RIN3: variants seen among roughly 807,000 people sequenced by gnomAD.
RIN3 encodes RAB5 interacting protein 3.
RIN3 carries 54 observed loss-of-function variants against 76.3 expected under a neutral mutation model. The ratio of observed to expected loss-of-function variants is 0.71; its 90% CI spans 0.57 to 0.89. The LOEUF is 0.89. Among genes scored for constraint, RIN3 ranks in the 40% least tolerant of loss-of-function variants. RIN3 has a pLI of 0.00. For synonymous variants in RIN3, 576 were observed against 564.0 expected, an observed-to-expected ratio of 1.02 and a Z score of -0.30; for missense variants, 1,256 against 1,322.1, an observed-to-expected ratio of 0.95 and a Z score of 0.78.
rs374217754 is a variant in RIN3 at position 92,615,395 on chromosome 14, G to A, written c.368-12G>A. On this transcript the variant is annotated splice_polypyrimidine_tract_variant and intron_variant, in intron 3 of 9. Transcript: ENST00000216487. ...ACTCACCTCACCCAGGGCCCTTCTT[G>A]TGTCTCCCCAGTATTGTACCTGGAA... is the stretch of plus-strand genomic sequence containing the variant. 21 of 1,613,306 alleles carry A rather than the reference G, an allele frequency of 1.3e-5. No homozygotes were observed. The African/African-American group carries it at 2.7e-4, about 21-fold the overall frequency.
intron 1 of RIN3, among the ~76,000 whole-genome samples, chr14:92,554,215 C>T (rs1429303232): frequency 1.3e-5 from 2 of 152,086 alleles, no homozygotes; most frequent in Non-Finnish European, 2.9e-5. Context: ...ACTCAGGATG[C>T]GAGGCTCCGA....
At chr14:92,565,068 C>G (rs904853737) in intron 2 of RIN3, among the ~76,000 whole-genome samples, 3 of 152,208 alleles carry the variant, frequency 2.0e-5, no homozygotes, top group African/African-American at 7.2e-5. Context: ...GGCCCCGGCA[C>G]TGGCACTTGT....
intron 7 of RIN3, among the ~76,000 whole-genome samples, chr14:92,665,386 T>C (rs1888052324): frequency 7.0e-6 from 1 of 142,718 alleles, no homozygotes. Flanking sequence ...TTTTTTTTTT[T>C]TTTTTTTTTT....
intron 8 of RIN3, among the ~76,000 whole-genome samples, chr14:92,677,514 T>C (rs747969947): frequency 8.5e-5 from 13 of 152,198 alleles, no homozygotes; most frequent in Non-Finnish European, 1.6e-4. Flanking sequence ...TTTGATGAGA[T>C]AGTTCCATGA....
intron 1 of RIN3, among the ~76,000 whole-genome samples, chr14:92,543,264 G>T (rs936239461): frequency 3.3e-5 from 5 of 152,070 alleles, no homozygotes; most frequent in Admixed American, 1.3e-4. Flanking sequence ...TATGGGGGGT[G>T]GGGGGAGTAG....
At chr14:92,574,852 G>A (rs1030528301) in intron 2 of RIN3, among the ~76,000 whole-genome samples, 1 of 152,072 alleles carries the variant, frequency 6.6e-6, no homozygotes, top group African/African-American at 2.4e-5. Context: ...AAGCCTCAGG[G>A]CCACCCTCTG....
At chr14:92,672,038 A>G (rs1380007112) in intron 7 of RIN3, among the ~76,000 whole-genome samples, 2 of 152,188 alleles carry the variant, frequency 1.3e-5, no homozygotes, top group African/African-American at 4.8e-5. Context: ...GCTATGAGGC[A>G]AGATGGGAAA....
intron 4 of RIN3, among the ~76,000 whole-genome samples, chr14:92,627,913 A>T (rs1417902655): frequency 6.6e-6 from 1 of 152,244 alleles, no homozygotes; most frequent in Admixed American, 6.5e-5. Flanking sequence ...CGCTTCCTGC[A>T]TGCAAAGCAG....
chr14:92,667,362 C>T (rs947817019), intron 7 of RIN3, among the ~76,000 whole-genome samples: 3 of 151,974 alleles, frequency 2.0e-5, no homozygotes, highest in Non-Finnish European at 4.4e-5. Flanking sequence ...ACCAAAAATA[C>T]AAAAATTATC....
chr14:92,549,376 A>T (rs1055366982), intron 1 of RIN3, among the ~76,000 whole-genome samples: 1 of 152,086 alleles, frequency 6.6e-6, no homozygotes, highest in Admixed American at 6.5e-5. Flanking sequence ...TGGGGCTGAC[A>T]TAGGCAGCCC....
intron 1 of RIN3, among the ~76,000 whole-genome samples, chr14:92,527,977 T>C (rs180977366): frequency 1.3e-3 from 191 of 149,134 alleles, no homozygotes; most frequent in Non-Finnish European, 1.9e-3. Context: ...GATTGTTTCA[T>C]AGTGGAGCCA....
intron 6 of RIN3, 80 bp from the exon 7 acceptor site, chr14:92,659,081 C>A: frequency 7.3e-7 from 1 of 1,366,486 alleles, no homozygotes; most frequent in Non-Finnish European, 1.0e-6. Flanking sequence ...ATGGGGATGG[C>A]TGTGCTGTTG....
chr14:92,671,276 G>C (rs972907296), intron 7 of RIN3, among the ~76,000 whole-genome samples: 9 of 152,086 alleles, frequency 5.9e-5, no homozygotes, highest in Admixed American at 2.6e-4. Context: ...GGAGGATGTG[G>C]GAGAGCACAA....
At chr14:92,584,292 C>G (rs1884683880) in intron 3 of RIN3, among the ~76,000 whole-genome samples, 1 of 152,234 alleles carries the variant, frequency 6.6e-6, no homozygotes, top group South Asian at 2.1e-4. Flanking sequence ...CAGCACCCAT[C>G]TGGGGCATTC....
At position 92,513,852 on chromosome 14, in the gene RIN3, C is replaced by T; in HGVS notation, c.-81C>T. The T allele has an allele frequency of 9.5e-7, 1 of 1,057,148 alleles. No homozygotes were observed. The highest frequency in any genetic ancestry group is 3.7e-5 in the South Asian group (1 of 26,766). The allele number at this position is 1,057,148 out of a possible 1,614,324, so 65.5% of individuals were successfully genotyped here. On this transcript the variant is annotated 5_prime_UTR_variant, in exon 1 of 10. Coordinates refer to ENST00000216487, the MANE Select transcript of RIN3 (RefSeq NM_024832.5). ...CCTTCCAGAGGGCCAGAGCCAGGGA[C>T]ATGCGGGCGCCCGGGACTCCGCGTT...
chr14:92,516,424 G>C (rs1195603478), intron 1 of RIN3, among the ~76,000 whole-genome samples: 2 of 152,186 alleles, frequency 1.3e-5, no homozygotes, highest in Non-Finnish European at 2.9e-5. Flanking sequence ...AGCAGGGCCA[G>C]TGATGGATTC....
chr14:92,641,390 C>T, intron 5 of RIN3, 61 bp downstream of exon 5: 2 of 1,310,106 alleles, frequency 1.5e-6, no homozygotes, highest in Non-Finnish European at 1.1e-6. Flanking sequence ...GGCCCTAGGA[C>T]TGCCCCAGGG....
chr14:92,676,674 T>G, intron 8 of RIN3, 68 bp downstream of exon 8: 5 of 1,553,402 alleles, frequency 3.2e-6, no homozygotes, highest in Non-Finnish European at 4.4e-6. Flanking sequence ...ACGGGCACTC[T>G]AGGTGGCCCA....
At chr14:92,605,830 G>C (rs1024948421) in intron 3 of RIN3, among the ~76,000 whole-genome samples, 20 of 152,088 alleles carry the variant, frequency 1.3e-4, no homozygotes, top group African/African-American at 4.8e-4. Context: ...GATAATAACT[G>C]GTTAAAGGCC....
Sources: gnomAD v4.1 joint callset for allele counts (sites outside exome capture counted in the v4.1 genomes callset) on GRCh38, gnomAD v4.1.1 for gene constraint, MANE v1.5 for transcripts, NCBI Gene and HGNC (gene_info 2026-07-23, HGNC 2026-07-21) for gene names.